The following CCSER1 variants were observed in gnomAD, a reference collection of about 807,000 sequenced individuals.
CCSER1 encodes serine-rich coiled-coil domain-containing protein 1.
In CCSER1, 41 loss-of-function variants were observed where a neutral mutation model predicts 82.0. The observed-to-expected ratio is 0.50, with a 90% CI of 0.39 to 0.65. The LOEUF (loss-of-function observed/expected upper bound fraction) is 0.65, where lower values mean the gene tolerates loss of function less well. Ranked by LOEUF, CCSER1 falls within the 30% of genes least tolerant of loss-of-function variation. The probability of loss-of-function intolerance (pLI) is 0.00; values close to 1 mark genes in which losing one functional copy is unlikely to be tolerated. For missense variants in CCSER1, 1,119 were observed against 1,064.2 expected (o/e 1.05, Z -0.72); for synonymous variants, 414 against 383.9 (o/e 1.08, Z -0.92).
rs374023041 is a variant in CCSER1 at position 90,292,979 on chromosome 4, C to T, written c.-41-15265C>T. Among the ~76,000 whole-genome samples, 10 of 151,920 alleles carry T rather than the reference C, an allele frequency of 6.6e-5. No homozygotes were observed. In the East Asian group the frequency reaches 1.7e-3, roughly 27 times the overall value. Reference sequence around the variant, plus strand: ...CTTTTTCTCAGACTTTGGTATTCATCCTATGTTGATATAAGATAGTTTTTT... The same window carrying T: ...CTTTTTCTCAGACTTTGGTATTCATTCTATGTTGATATAAGATAGTTTTTT... On this transcript the variant is annotated intron_variant, in intron 1 of 10. Transcript: ENST00000509176.
chr4:90,496,971 C>CAAAAA (rs771281710), intron 5 of CCSER1, among the ~76,000 whole-genome samples: 635 of 54,628 alleles, frequency 0.012, no homozygotes, highest in East Asian at 0.022. Flanking sequence ...AGCGAGACTA[C>CAAAAA]AAAAAAAAAA....
intron 1 of CCSER1, among the ~76,000 whole-genome samples, chr4:90,259,705 A>G (rs987552998): frequency 6.6e-6 from 1 of 152,112 alleles, no homozygotes; most frequent in African/African-American, 2.4e-5. Flanking sequence ...TCCCTTATCT[A>G]TTGAGATGAT....
intron 1 of CCSER1, among the ~76,000 whole-genome samples, chr4:90,219,795 C>T (rs1387510978): frequency 6.6e-6 from 1 of 152,048 alleles, no homozygotes; most frequent in East Asian, 1.9e-4. Flanking sequence ...TTGTAAGTAT[C>T]CCATGCTTAA....
chr4:90,469,153 A>G (rs1764026357), intron 5 of CCSER1, among the ~76,000 whole-genome samples: 1 of 152,050 alleles, frequency 6.6e-6, no homozygotes, highest in African/African-American at 2.4e-5. Flanking sequence ...ATATATCTTG[A>G]TGTACCTACC....
In CCSER1 at chr4:90,446,483, A is replaced by G. The variant is rs114961082; in HGVS notation, c.1604-21751A>G. Among the ~76,000 whole-genome samples, 607 of 152,284 alleles carry G rather than the reference A, an allele frequency of 4.0e-3. 2 individuals carry two copies. The highest frequency in any genetic ancestry group is 0.014 in the African/African-American group (589 of 41,574). On this transcript the variant is annotated intron_variant, in intron 4 of 10. Transcript: ENST00000509176. ...ATTGTTTTTTCAACAAAGATTAATAATTAATTTGATACTTATTCTTTTTAT... is the reference window on the plus strand; with the variant it reads ...ATTGTTTTTTCAACAAAGATTAATAGTTAATTTGATACTTATTCTTTTTAT...
At chr4:90,529,952 T>TATATA (rs11408307) in intron 5 of CCSER1, among the ~76,000 whole-genome samples, 147 of 117,968 alleles carry the variant, frequency 1.2e-3, no homozygotes, top group African/African-American at 3.2e-3. Flanking sequence ...TATATATATA[T>TATATA]TTTTTTTTTC....
chr4:91,102,535 T>G (rs1444565336), intron 10 of CCSER1, among the ~76,000 whole-genome samples: 1 of 152,316 alleles, frequency 6.6e-6, no homozygotes, highest in East Asian at 1.9e-4. Context: ...GTAGAAGGAT[T>G]TTGACTTTTG....
At chr4:90,412,590 G>A (rs1309882897) in intron 4 of CCSER1, among the ~76,000 whole-genome samples, 2 of 149,602 alleles carry the variant, frequency 1.3e-5, no homozygotes, top group Non-Finnish European at 3.0e-5. Flanking sequence ...AGGGATGCAG[G>A]GATGGTTTAA....
chr4:90,811,325 G>A (rs186096120), intron 7 of CCSER1, among the ~76,000 whole-genome samples: 170 of 152,244 alleles, frequency 1.1e-3, no homozygotes, highest in Non-Finnish European at 2.1e-3. Flanking sequence ...TTGCAGCTCC[G>A]GAAATAAGCA....
At chr4:90,331,193 CT>C (rs199578039) in intron 3 of CCSER1, among the ~76,000 whole-genome samples, 2 of 150,662 alleles carry the variant, frequency 1.3e-5, no homozygotes, top group East Asian at 1.9e-4. Flanking sequence ...ATATTTTTTT[CT>C]TTTTTTTTCT....
At chr4:91,054,421 T>A (rs1325878850) in intron 9 of CCSER1, among the ~76,000 whole-genome samples, 1 of 152,230 alleles carries the variant, frequency 6.6e-6, no homozygotes, top group Non-Finnish European at 1.5e-5. Flanking sequence ...TTTTTTGTTA[T>A]ATCCTCTTGG....
intron 10 of CCSER1, among the ~76,000 whole-genome samples, chr4:91,198,618 A>G (rs1049401659): frequency 4.6e-5 from 7 of 152,172 alleles, no homozygotes; most frequent in African/African-American, 1.7e-4. Context: ...ATAGAGCTGC[A>G]TGATCCATAG....
chr4:90,362,700 A>G (rs1280058855), intron 3 of CCSER1, among the ~76,000 whole-genome samples: 2 of 152,142 alleles, frequency 1.3e-5, no homozygotes, highest in Non-Finnish European at 2.9e-5. Flanking sequence ...AGAGGCTACC[A>G]TAGCCACAGA....
At chr4:91,222,102 TAAAG>T (rs1737798191) in intron 10 of CCSER1, among the ~76,000 whole-genome samples, 1 of 151,380 alleles carries the variant, frequency 6.6e-6, no homozygotes, top group Non-Finnish European at 1.5e-5. Context: ...TACACATATA[TAAAG>T]AGAGAGAGAG....
chr4:91,447,993 T>A (rs1755663849), intron 10 of CCSER1, among the ~76,000 whole-genome samples: 1 of 152,088 alleles, frequency 6.6e-6, no homozygotes, highest in Non-Finnish European at 1.5e-5. Flanking sequence ...AGTGTTCATA[T>A]TACTTTCAGT....
rs977403802 is a variant in CCSER1, at chr4:90,968,757, C to CT, written c.2172+45311dup. ...CAAATGAAAAGACTGTAATGAAAGACTGCATTGAACACAAAAACTCAAGGA... is the reference window on the plus strand; with the variant it reads ...CAAATGAAAAGACTGTAATGAAAGACTTGCATTGAACACAAAAACTCAAGGA... On this transcript the variant is annotated intron_variant, in intron 9 of 10. Coordinates refer to ENST00000509176, the MANE Select transcript of CCSER1 (RefSeq NM_001145065.2). Among the ~76,000 whole-genome samples, 11 of 151,962 alleles carry CT rather than the reference C, an allele frequency of 7.2e-5. 1 individual carries two copies. Among genetic ancestry groups the CT allele is most frequent in the African/African-American group, 2.7e-4 (11 of 41,386 alleles).
At chr4:91,077,968 C>G (rs1164875334) in intron 9 of CCSER1, among the ~76,000 whole-genome samples, 3 of 152,216 alleles carry the variant, frequency 2.0e-5, no homozygotes, top group Non-Finnish European at 4.4e-5. Flanking sequence ...TGGAGCCCAC[C>G]ACAGCTCAAG....
intron 6 of CCSER1, among the ~76,000 whole-genome samples, chr4:90,671,087 C>A (rs1169688281): frequency 1.3e-5 from 2 of 152,044 alleles, no homozygotes; most frequent in South Asian, 4.1e-4. Flanking sequence ...CTAAAGAGTT[C>A]TAATGGTCAC....
chr4:90,885,420 T>C (rs1721978445), intron 8 of CCSER1, among the ~76,000 whole-genome samples: 1 of 152,232 alleles, frequency 6.6e-6, no homozygotes, highest in Admixed American at 6.5e-5. Context: ...CAATTTATGA[T>C]ACAGAATTTC....
Sources: gnomAD v4.1 joint callset for allele counts (sites outside exome capture counted in the v4.1 genomes callset) on GRCh38, gnomAD v4.1.1 for gene constraint, MANE v1.5 for transcripts, NCBI Gene and HGNC (gene_info 2026-07-23, HGNC 2026-07-21) for gene names.